Variants in RP1 observed in about 807,000 individuals in gnomAD.
The protein encoded by RP1 is oxygen-regulated protein 1.
RP1 carries 16 observed loss-of-function variants against 14.8 expected under a neutral mutation model. The observed-to-expected ratio is 1.08, with a 90% CI of 0.73 to 1.65. The LOEUF is 1.65. Ranked by LOEUF, RP1 falls within the 40% of genes most tolerant of loss-of-function variation. The pLI, the probability that RP1 is intolerant of heterozygous loss-of-function variation, is 0.00. For synonymous variants in RP1, 876 were observed against 883.6 expected, an observed-to-expected ratio of 0.99 and a Z score of 0.15; for missense variants, 2,631 against 2,535.0, an observed-to-expected ratio of 1.04 and a Z score of -0.81.
upstream of RP1, among the ~76,000 whole-genome samples, chr8:54,612,978 T>C (rs1805632116): frequency 6.6e-6 from 1 of 152,216 alleles, no homozygotes; most frequent in African/African-American, 2.4e-5. Flanking sequence ...GGATCTAACA[T>C]GCTGTAGATT....
intron 6 of RP1, chr8:54,656,224 G>A: frequency 6.5e-7 from 1 of 1,533,090 alleles, no homozygotes; most frequent in Non-Finnish European, 8.7e-7. Context: ...AGGTAGGAAA[G>A]ATTCAACTCC....
rs900618804 is a variant in RP1, at chr8:54,739,627, AT to A, written c.2808+607del. 6.4e-4 allele frequency among the ~76,000 whole-genome samples: 97 copies of A among 150,572 alleles called. 1 individual carries two copies. The highest frequency in any genetic ancestry group is 1.8e-3 in the African/African-American group (73 of 40,990). ...TCATTAGATGACCACTCGGTGGTGC[AT>A]TTTTTTTTCATATCTTTTTTCTATG... On this transcript the variant is annotated intron_variant, in intron 19 of 22. Transcript: ENST00000636932.
intron 7 of RP1, chr8:54,663,880 G>T (rs1366742602): frequency 1.3e-6 from 2 of 1,492,898 alleles, no homozygotes; most frequent in Non-Finnish European, 1.8e-6. Context: ...ATTTTAAAAA[G>T]ATTAATCATG....
At position 54,756,937 on chromosome 8, in the gene RP1, T is replaced by C. The variant is rs192373819; in HGVS notation, c.3093+1167T>C. Among the ~76,000 whole-genome samples the C allele has an allele frequency of 1.6e-4, 25 of 152,310 alleles. No individual in the cohort carries two copies. The East Asian group carries it at 4.6e-3, about 28-fold the overall frequency. The stretch of plus-strand genomic sequence containing the variant: ...GACAGTAGGGAGGGTGTATTGTGGA[T>C]TGAAATTAAAATTGGGTAGGAGATA... On this transcript the variant is annotated intron_variant, in intron 21 of 22. Coordinates refer to the RP1 transcript ENST00000636932.
chr8:54,628,509 G>T lies in RP1; in HGVS notation c.4627G>T (p.Asp1543Tyr). 6.2e-7 allele frequency: 1 copy of T among 1,613,858 alleles called. No homozygotes were observed. Among genetic ancestry groups the T allele is most frequent in the Non-Finnish European group, 8.5e-7 (1 of 1,179,900 alleles). ...ACCACCATCTTTAGATTTTTGCTAT[G>T]ATTCTAAGCAAAATAGTGAAAAGGA... is the stretch of plus-strand genomic sequence containing the variant. The part of the protein sequence containing the change: ...ATPPSLDFCY[D>Y]SKQNSEKETN... Residue 1543 changes from aspartate (D) to tyrosine (Y), a missense_variant, in exon 4 of 4, where the codon GAT becomes TAT. Physicochemically the swap from Asp to Tyr is radical, Grantham distance 160. Coordinates refer to ENST00000220676, the MANE Select transcript of RP1 (RefSeq NM_006269.2).
At chr8:54,733,981 T>A (rs1234634547) in intron 17 of RP1, among the ~76,000 whole-genome samples, 1 of 152,192 alleles carries the variant, frequency 6.6e-6, no homozygotes, top group Non-Finnish European at 1.5e-5. Context: ...CATGGACAAC[T>A]GCTCTGAGCA....
rs184119750 is a variant in RP1 at position 54,857,060 on chromosome 8, C to T, written c.4023C>T (p.Leu1341=). The T allele has an allele frequency of 2.2e-5, 27 of 1,215,982 alleles. No individual in the cohort carries two copies. In the African/African-American group the frequency reaches 3.1e-4, roughly 14 times the overall value. The allele number at this position is 1,215,982 out of a possible 1,614,324, so 75.3% of individuals were successfully genotyped here. A position where few individuals can be genotyped will look rare whatever the true frequency, so the allele number is the denominator to read the frequency against. ...TTTTTTCCATTAAGGCTGTATCTCT[C>T]GGAAAATTGAAGAAAGTTCTGATTA... is the stretch of plus-strand genomic sequence containing the variant. Residue 1341 remains leucine (L), a synonymous_variant, in exon 27 of 29, where the codon CTC becomes CTT. Coordinates refer to the RP1 transcript ENST00000637698.
exon 8 of RP1, chr8:54,673,928 G>A (rs1807236417): frequency 2.6e-6 from 4 of 1,534,440 alleles, no homozygotes; most frequent in Non-Finnish European, 3.5e-6. Flanking sequence ...ACTTGGCCCA[G>A]GTAAGACTCT....
In RP1 at chr8:54,751,741, C is replaced by A. The variant is rs147784815; in HGVS notation, c.2809-3062C>A. ...CATTGTGGTCGTCCTGGAATTTTGC[C>A]CTTCTTACTAATTTAACGGTTGAAA... On this transcript the variant is annotated intron_variant, in intron 19 of 22. Transcript: ENST00000636932. 5.3e-5 allele frequency among the ~76,000 whole-genome samples: 8 copies of A among 152,242 alleles called. No individual in the cohort carries two copies. In the East Asian group the frequency reaches 1.5e-3, roughly 29 times the overall value.
At chr8:54,683,509 G>C (rs780325011) in intron 12 of RP1, among the ~76,000 whole-genome samples, 11 of 152,234 alleles carry the variant, frequency 7.2e-5, no homozygotes, top group Non-Finnish European at 1.2e-4. Flanking sequence ...TCCTTGAAGA[G>C]ATCCTTCACT....
intron 12 of RP1, among the ~76,000 whole-genome samples, chr8:54,683,836 T>C (rs1807490059): frequency 6.6e-6 from 1 of 152,148 alleles, no homozygotes; most frequent in Non-Finnish European, 1.5e-5. Context: ...CAATAATATG[T>C]TGAATAGGAG....
chr8:54,723,405 A>G (rs1000775005), intron 16 of RP1, among the ~76,000 whole-genome samples: 1 of 152,070 alleles, frequency 6.6e-6, no homozygotes, highest in Admixed American at 6.6e-5. Flanking sequence ...GATTTTTTTC[A>G]TCTACAGTTT....
At chr8:54,870,877 C>A (rs140420190) in exon 29 of RP1, 1 of 151,976 alleles carries the variant, frequency 6.6e-6, no homozygotes, top group Non-Finnish European at 1.5e-5. Context: ...GTGGAACAAG[C>A]AGGAGAGCCG....
At chr8:54,673,586 A>G (rs1807227364) in intron 7 of RP1, among the ~76,000 whole-genome samples, 1 of 152,142 alleles carries the variant, frequency 6.6e-6, no homozygotes, top group Non-Finnish European at 1.5e-5. Flanking sequence ...CAAAAAACAC[A>G]AAAATTATCC....
chr8:54,837,423 A>T, intron 24 of RP1: 1 of 1,073,770 alleles, frequency 9.3e-7, no homozygotes, highest in East Asian at 3.2e-5. Flanking sequence ...AGGGAGTTTT[A>T]GTTCCCTTTT....
In RP1 at chr8:54,828,882, C is replaced by CTTTTTTTTTTT. The variant is rs201534661; in HGVS notation, c.3616-8551_3616-8541dup. On this transcript the variant is annotated intron_variant, in intron 24 of 28. Transcript: ENST00000637698. Reference sequence around the variant, plus strand: ...TTCTTTCTTCTTTCTTCTTCTTCTTCTTTTTTTTTTTTTTTTTTTTTTTTT... The same window carrying CTTTTTTTTTTT: ...TTCTTTCTTCTTTCTTCTTCTTCTTCTTTTTTTTTTTTTTTTTTTTTTTTTTTTTTTTTTTT... Among the ~76,000 whole-genome samples the CTTTTTTTTTTT allele has an allele frequency of 5.6e-4, 47 of 83,942 alleles. 1 individual carries two copies. The highest frequency in any genetic ancestry group is 6.4e-4 in the Non-Finnish European group (29 of 45,666). The allele number at this position is 83,942 out of a possible 152,430, so 55.1% of individuals were successfully genotyped here.
At chr8:54,678,356 A>G (rs1246787671) in intron 8 of RP1, 2 of 899,422 alleles carry the variant, frequency 2.2e-6, no homozygotes, top group East Asian at 5.3e-5. Context: ...ATATTGTACA[A>G]GACCTTTACA....
chr8:54,601,276 A>T (rs1211851791), intron 1 of RP1, among the ~76,000 whole-genome samples: 1 of 151,040 alleles, frequency 6.6e-6, no homozygotes, highest in East Asian at 1.9e-4. Context: ...AATATTTTCA[A>T]CATGTGGATA....
chr8:54,624,538 C>A, intron 3 of RP1, 132 bp from the exon 4 acceptor site: 1 of 791,260 alleles, frequency 1.3e-6, no homozygotes, highest in Admixed American at 2.3e-5. Context: ...AGAAAATATG[C>A]TACTTTTCAT....
Sources: gnomAD v4.1 joint callset for allele counts (sites outside exome capture counted in the v4.1 genomes callset) on GRCh38, gnomAD v4.1.1 for gene constraint, MANE v1.5 for transcripts, NCBI Gene and HGNC (gene_info 2026-07-23, HGNC 2026-07-21) for gene names.